POGLUT1: variants seen among roughly 807,000 people sequenced by gnomAD.
The protein encoded by POGLUT1 is 9630046K23Rik.
In POGLUT1, 32 loss-of-function variants were observed where a neutral mutation model predicts 61.3. That is an observed-to-expected ratio of 0.52 (90% CI 0.39 to 0.70). The LOEUF (loss-of-function observed/expected upper bound fraction) is 0.70, where lower values mean the gene tolerates loss of function less well. POGLUT1 is among the 30% of genes least tolerant of loss of function. POGLUT1 has a pLI of 0.00. For missense variants in POGLUT1, 411 were observed against 469.8 expected, an observed-to-expected ratio of 0.87 and a Z score of 1.16; for synonymous variants, 158 against 158.2, an observed-to-expected ratio of 1.00 and a Z score of 0.01.
intron 10 of POGLUT1, 103 bp from the exon 11 acceptor site, chr3:119,492,179 A>G: frequency 5.2e-6 from 4 of 772,100 alleles, no homozygotes; most frequent in Non-Finnish European, 8.0e-6. Flanking sequence ...TAATTTATAT[A>G]AAATGCTGAA....
At chr3:119,475,223 T>G (rs1174908011) in intron 3 of POGLUT1, among the ~76,000 whole-genome samples, 1 of 152,260 alleles carries the variant, frequency 6.6e-6, no homozygotes, top group Non-Finnish European at 1.5e-5. Context: ...TGCTGTCTTC[T>G]GTTCTGCACT....
At chr3:119,480,741 CT>C (rs549105221) in intron 5 of POGLUT1, among the ~76,000 whole-genome samples, 17,705 of 138,096 alleles carry the variant, frequency 0.13, 997 homozygotes, top group South Asian at 0.18. Context: ...ATTTTTCTTT[CT>C]TTTTTTTTTT....
intron 3 of POGLUT1, 76 bp from the exon 4 acceptor site, chr3:119,477,237 A>C (rs2107708355): frequency 7.1e-7 from 1 of 1,414,494 alleles, no homozygotes; most frequent in Middle Eastern, 1.8e-4. Context: ...TTACTTTAAA[A>C]TGTGAATGGG....
At chr3:119,478,210 A>G in intron 4 of POGLUT1, 1 of 389,358 alleles carries the variant, frequency 2.6e-6, no homozygotes, top group Non-Finnish European at 5.1e-6. Context: ...CTATGGGGTA[A>G]GAGTGAATTG....
rs771323595 is a variant in POGLUT1, at chr3:119,485,278, T to TA, written c.579-49dup. 7.1e-6 allele frequency: 8 copies of TA among 1,124,212 alleles called. No homozygotes were observed. In the East Asian group the frequency reaches 1.7e-4, roughly 23 times the overall value. The allele number at this position is 1,124,212 out of a possible 1,614,324, so 69.6% of individuals were successfully genotyped here. On this transcript the variant is annotated intron_variant, in intron 5 of 10. Transcript: ENST00000295588. ...TTCAGAAATGGTTAAAGCACATTCT[T>TA]ATATAGTTGAAAAAGATATATTGAA... is the stretch of plus-strand genomic sequence containing the variant.
chr3:119,480,449 T>C (rs1057272115), intron 5 of POGLUT1, among the ~76,000 whole-genome samples: 1 of 151,842 alleles, frequency 6.6e-6, no homozygotes, highest in East Asian at 2.0e-4. Flanking sequence ...GGTGTCTCCA[T>C]GTTGGTCAGG....
At chr3:119,476,566 T>A (rs2081540479) in intron 3 of POGLUT1, among the ~76,000 whole-genome samples, 1 of 152,214 alleles carries the variant, frequency 6.6e-6, no homozygotes, top group African/African-American at 2.4e-5. Flanking sequence ...AACAATATTT[T>A]AAATCAGTTA....
chr3:119,491,164 A>G (rs2081739657), intron 9 of POGLUT1, among the ~76,000 whole-genome samples: 1 of 148,164 alleles, frequency 6.7e-6, no homozygotes, highest in African/African-American at 2.5e-5. Flanking sequence ...ATATCTGTGT[A>G]TATATATTTT....
intron 9 of POGLUT1, 77 bp downstream of exon 9, chr3:119,490,795 A>C: frequency 7.7e-7 from 1 of 1,292,096 alleles, no homozygotes; most frequent in Non-Finnish European, 1.1e-6. Flanking sequence ...ATGCCTTAAA[A>C]CCAGTCATGT....
chr3:119,482,035 G>C (rs1032133362), intron 5 of POGLUT1, among the ~76,000 whole-genome samples: 1 of 151,946 alleles, frequency 6.6e-6, no homozygotes, highest in Non-Finnish European at 1.5e-5. Context: ...CAAAGTGCTG[G>C]GATTACAGGC....
chr3:119,484,054 A>C (rs147273239), intron 5 of POGLUT1, among the ~76,000 whole-genome samples: 35 of 152,334 alleles, frequency 2.3e-4, no homozygotes, highest in African/African-American at 8.4e-4. Flanking sequence ...ACAAAAATCC[A>C]GTGCTATAGT....
Position 119,490,566 on chromosome 3 carries a change from T to G in POGLUT1, c.813T>G (p.Phe271Leu). ...TTTTCCCCAGGTATCTGTTTAATTT[T>G]CGAGGCGTAGCTGCAAGTTTCCGGT... Reference protein sequence around the residue: ...DHCKYKYLFNFRGVAASFRFK... With the variant: ...DHCKYKYLFNLRGVAASFRFK... Residue 271 changes from phenylalanine to leucine, a missense_variant, in exon 9 of 11, where the codon TTT becomes TTG. Physicochemically the swap from Phe to Leu is conservative, Grantham distance 22 (BLOSUM62 0). Transcript: ENST00000295588. The G allele has an allele frequency of 6.2e-7, 1 of 1,614,166 alleles. No homozygotes were observed. The highest frequency in any genetic ancestry group is 8.5e-7 in the Non-Finnish European group (1 of 1,179,994).
At chr3:119,490,521 A>G (rs1164704820) in intron 8 of POGLUT1, 30 bp from the exon 9 acceptor site, 6 of 1,600,670 alleles carry the variant, frequency 3.7e-6, no homozygotes, top group Admixed American at 3.3e-5. Flanking sequence ...GGCATATAGT[A>G]TCAAATGTAT....
At chr3:119,478,903 AAGG>A (rs1560033669) in intron 4 of POGLUT1, among the ~76,000 whole-genome samples, 1 of 71,896 alleles carries the variant, frequency 1.4e-5, no homozygotes. Context: ...AAAAAAAAAA[AAGG>A]GGGGAACATA....
intron 3 of POGLUT1, among the ~76,000 whole-genome samples, chr3:119,476,688 T>C (rs1206397503): frequency 6.6e-6 from 1 of 152,226 alleles, no homozygotes; most frequent in Non-Finnish European, 1.5e-5. Flanking sequence ...CAGTGTATCT[T>C]CTTTTTCTTT....
At chr3:119,481,516 A>G (rs2081605380) in intron 5 of POGLUT1, among the ~76,000 whole-genome samples, 1 of 152,222 alleles carries the variant, frequency 6.6e-6, no homozygotes, top group Non-Finnish European at 1.5e-5. Context: ...CTGAAGATTC[A>G]AAGAGGATTA....
At chr3:119,470,253 T>G (rs1002383622) in intron 2 of POGLUT1, among the ~76,000 whole-genome samples, 12 of 152,138 alleles carry the variant, frequency 7.9e-5, no homozygotes, top group Non-Finnish European at 1.5e-5. Flanking sequence ...CTGAATCTAG[T>G]CCTAAATTTC....
Position 119,488,857 on chromosome 3 carries a change from C to T in POGLUT1, c.739-72C>T. The T allele has an allele frequency of 3.8e-6, 3 of 786,646 alleles. No individual in the cohort carries two copies. The Admixed American group carries it at 5.6e-5, about 15-fold the overall frequency. 48.7% of individuals were successfully genotyped at this position (786,646 alleles called of 1,614,324 possible). ...GAGGTAATGTTGATGAAATGTTTAA[C>T]AATGCTTGCTGCACAGTGATCACAA... On this transcript the variant is annotated intron_variant, in intron 7 of 10. Transcript: ENST00000295588.
chr3:119,470,163 C>G (rs2081453673), intron 2 of POGLUT1, among the ~76,000 whole-genome samples: 1 of 152,194 alleles, frequency 6.6e-6, no homozygotes, highest in Admixed American at 6.5e-5. Flanking sequence ...GGGTCTGTGT[C>G]TTATTTGCTG....
Sources: allele counts gnomAD v4.1 joint callset (sites outside exome capture counted in the v4.1 genomes callset), GRCh38; gene constraint gnomAD v4.1.1; transcripts MANE v1.5; gene names NCBI Gene and HGNC (gene_info 2026-07-23, HGNC 2026-07-21).